SLC24A2: variants seen among roughly 807,000 people sequenced by gnomAD.
The protein encoded by SLC24A2 is sodium/potassium/calcium exchanger 2.
A neutral mutation model predicts 62.0 loss-of-function variants in SLC24A2; 36 were observed. The observed-to-expected ratio is 0.58, with a 90% confidence interval of 0.44 to 0.77. The LOEUF is 0.77. Among genes scored for constraint, SLC24A2 ranks in the 30% least tolerant of loss-of-function variants. The pLI, the probability that SLC24A2 is intolerant of heterozygous loss-of-function variation, is 0.00. For synonymous variants in SLC24A2, 358 were observed against 294.0 expected, an observed-to-expected ratio of 1.22 and a Z score of -2.23; for missense variants, 846 against 817.9, an observed-to-expected ratio of 1.03 and a Z score of -0.42.
At chr9:19,523,519 G>A (rs1037839707) in intron 9 of SLC24A2, among the ~76,000 whole-genome samples, 1 of 152,166 alleles carries the variant, frequency 6.6e-6, no homozygotes, top group Non-Finnish European at 1.5e-5. Context: ...CTGGAGTGCA[G>A]TGGTGTGATC....
chr9:19,886,372 G>C, the SLC24A2 span, among the ~76,000 whole-genome samples: 1 of 151,604 alleles, frequency 6.6e-6, no homozygotes, highest in Non-Finnish European at 1.5e-5. Context: ...AGGCTTATTG[G>C]CTGTGGGTAT....
intron 8 of SLC24A2, among the ~76,000 whole-genome samples, chr9:19,530,204 C>T (rs1833636808): frequency 6.7e-6 from 1 of 150,040 alleles, no homozygotes; most frequent in South Asian, 2.1e-4. Flanking sequence ...TCCTTTTCAT[C>T]TGGTCACAGT....
rs201614738 is a variant in SLC24A2, at chr9:19,516,116, C to A, written c.*37G>T. 8 of 1,613,312 alleles carry A rather than the reference C, an allele frequency of 5.0e-6. No homozygotes were observed. Among genetic ancestry groups the A allele is most frequent in the Admixed American group, 1.7e-5 (1 of 60,004 alleles). On this transcript the variant is annotated 3_prime_UTR_variant, in exon 11 of 11. Transcript: ENST00000341998. ...GCCCAGAGCCCAGAGTGTGGAGGGACCATTCATGCTGCTGGTGCAAGATAT... is the reference window on the plus strand; with the variant it reads ...GCCCAGAGCCCAGAGTGTGGAGGGAACATTCATGCTGCTGGTGCAAGATAT...
chr9:20,162,541 T>C, the SLC24A2 span, among the ~76,000 whole-genome samples: 2 of 152,048 alleles, frequency 1.3e-5, no homozygotes, highest in Admixed American at 1.3e-4. Context: ...AGCCGAATTC[T>C]ACCAGAAGTA....
chr9:20,170,127 A>C, the SLC24A2 span, among the ~76,000 whole-genome samples: 4 of 137,814 alleles, frequency 2.9e-5, no homozygotes, highest in African/African-American at 1.3e-4. Context: ...CAATCCAACA[A>C]AGACAAAAAG....
At chr9:19,788,044 T>C (rs1013286743) in intron 1 of SLC24A2, among the ~76,000 whole-genome samples, 4 of 152,364 alleles carry the variant, frequency 2.6e-5, no homozygotes, top group Admixed American at 2.6e-4. Context: ...AAGACTATTC[T>C]TTTCCATATC....
At chr9:20,125,604 C>T in the SLC24A2 span, among the ~76,000 whole-genome samples, 1 of 152,014 alleles carries the variant, frequency 6.6e-6, no homozygotes, top group Admixed American at 6.6e-5. Flanking sequence ...GTAATGTGTC[C>T]CCTCATTCCA....
chr9:19,944,171 T>C, the SLC24A2 span, among the ~76,000 whole-genome samples: 1 of 152,178 alleles, frequency 6.6e-6, no homozygotes, highest in African/African-American at 2.4e-5. Flanking sequence ...GCTCAGCACC[T>C]AGGTCCAACT....
chr9:20,065,332 A>G, the SLC24A2 span, among the ~76,000 whole-genome samples: 1 of 152,202 alleles, frequency 6.6e-6, no homozygotes, highest in Admixed American at 6.5e-5. Context: ...CAACAGCACA[A>G]CAGGCTGGGA....
the SLC24A2 span, among the ~76,000 whole-genome samples, chr9:20,012,056 A>T: frequency 6.6e-5 from 10 of 152,234 alleles, no homozygotes; most frequent in Non-Finnish European, 1.2e-4. Context: ...AATAAAAGCC[A>T]TATGTGACAA....
the SLC24A2 span, among the ~76,000 whole-genome samples, chr9:20,275,359 A>C: frequency 6.6e-6 from 1 of 151,982 alleles, no homozygotes; most frequent in African/African-American, 2.4e-5. Context: ...TCAAATTCCT[A>C]GAGTTACCTT....
chr9:19,590,242 C>T (rs536030119), intron 5 of SLC24A2, among the ~76,000 whole-genome samples: 5 of 152,304 alleles, frequency 3.3e-5, no homozygotes, highest in African/African-American at 4.8e-5. Flanking sequence ...AGAGCTTCCA[C>T]GTCATTCATC....
the SLC24A2 span, among the ~76,000 whole-genome samples, chr9:19,933,299 C>T: frequency 6.6e-6 from 1 of 152,208 alleles, no homozygotes; most frequent in African/African-American, 2.4e-5. Context: ...CTATATACAA[C>T]TTCTGGGATT....
intron 2 of SLC24A2, among the ~76,000 whole-genome samples, chr9:19,772,736 A>T (rs998291422): frequency 1.3e-5 from 2 of 152,200 alleles, no homozygotes; most frequent in African/African-American, 2.4e-5. Flanking sequence ...CGGAACTCTC[A>T]TACACACAGG....
chr9:19,765,929 T>A (rs966572860), intron 2 of SLC24A2, among the ~76,000 whole-genome samples: 3 of 152,210 alleles, frequency 2.0e-5, no homozygotes, highest in Non-Finnish European at 4.4e-5. Context: ...CTTTCCGGTA[T>A]ACCAATCAAA....
At chr9:19,865,197 T>C in the SLC24A2 span, among the ~76,000 whole-genome samples, 1 of 151,898 alleles carries the variant, frequency 6.6e-6, no homozygotes, top group African/African-American at 2.4e-5. Context: ...CACCAGAAAA[T>C]GGAAAGGTAT....
chr9:19,850,091 C>G, the SLC24A2 span, among the ~76,000 whole-genome samples: 5 of 148,874 alleles, frequency 3.4e-5, 1 homozygote, highest in African/African-American at 9.8e-5. Flanking sequence ...ATGCTCAGTT[C>G]TTTATAAGAA....
At chr9:19,863,047 G>A in the SLC24A2 span, among the ~76,000 whole-genome samples, 1 of 151,944 alleles carries the variant, frequency 6.6e-6, no homozygotes, top group South Asian at 2.1e-4. Flanking sequence ...AAAATAAGGA[G>A]ATGGAAAATG....
chr9:20,190,603 A>G, the SLC24A2 span, among the ~76,000 whole-genome samples: 1 of 152,188 alleles, frequency 6.6e-6, no homozygotes, highest in South Asian at 2.1e-4. Context: ...AGAAAGGTTA[A>G]ATAATTTCTC....
Sources: allele counts gnomAD v4.1 joint callset (sites outside exome capture counted in the v4.1 genomes callset), GRCh38; gene constraint gnomAD v4.1.1; transcripts MANE v1.5; gene names NCBI Gene and HGNC (gene_info 2026-07-23, HGNC 2026-07-21).